The following IDH2 variants were observed in gnomAD, a reference collection of about 807,000 sequenced individuals.
IDH2 encodes isocitrate dehydrogenase [NADP], mitochondrial.
Under a neutral mutation model 50.5 loss-of-function variants are expected in IDH2, and 18 were observed. The observed-to-expected ratio is 0.36, with a 90% confidence interval of 0.25 to 0.53. IDH2 has a LOEUF of 0.53. Among genes scored for constraint, IDH2 ranks in the 20% least tolerant of loss-of-function variants. IDH2 has a pLI of 0.92. For missense variants in IDH2, 518 were observed against 610.7 expected (o/e 0.85, Z 1.60); for synonymous variants, 280 against 239.8 (o/e 1.17, Z -1.55).
chr15:90,084,825 C>A lies in IDH2; in HGVS notation c.1262G>T (p.Gly421Val). 1 of 1,613,650 alleles carries A rather than the reference C, an allele frequency of 6.2e-7. No individual in the cohort carries two copies. Among genetic ancestry groups the A allele is most frequent in the Non-Finnish European group, 8.5e-7 (1 of 1,179,842 alleles). The change falls in exon 10 of 11, where the codon GGC becomes GTC. Residue 421 changes from glycine to valine, a missense_variant. Coordinates refer to ENST00000330062, the MANE Select transcript of IDH2 (RefSeq NM_002168.4). The surrounding 1 kb of genome is among the most constrained non-coding windows in gnomAD (Gnocchi z 5.0). Reference protein sequence around the residue: ...MTKDLAGCIHGLSNVKLNEHF... With the variant: ...MTKDLAGCIHVLSNVKLNEHF... ...ACCCCAGGCCACGCACTTGCTGAGG[C>A]CGTGAATGCAGCCCGCCAGGTCCTT... is the stretch of plus-strand genomic sequence containing the variant.
intron 6 of IDH2, 62 bp downstream of exon 6, chr15:90,087,377 A>G (rs1474693535): frequency 1.4e-5 from 23 of 1,612,748 alleles, no homozygotes; most frequent in Non-Finnish European, 1.8e-5. Context: ...TTCCCAGGGT[A>G]GGATGGGAAC....
rs1304674908 is a variant in IDH2, at chr15:90,084,034, T to C, written c.*232A>G. ...GGCACCATGTGTTCCAAGGGCAATA[T>C]AAATTACAGTATGCAAAACATACTG... On this transcript the variant is annotated 3_prime_UTR_variant, in exon 11 of 11. Transcript: ENST00000330062. This position sits in a 1 kb window ranked among gnomAD's most constrained non-coding sequence, Gnocchi z 5.0. 1.5e-5 allele frequency: 9 copies of C among 582,256 alleles called. No individual in the cohort carries two copies. In the Admixed American group the frequency reaches 2.7e-4, roughly 17 times the overall value. The allele number at this position is 582,256 out of a possible 1,614,324, so 36.1% of individuals were successfully genotyped here.
intron 2 of IDH2, 92 bp from the exon 3 acceptor site, chr15:90,090,736 G>A: frequency 1.5e-6 from 2 of 1,342,942 alleles, no homozygotes; most frequent in Non-Finnish European, 2.1e-6. Context: ...GCCATGGCAG[G>A]GGACAGTCAG....
intron 1 of IDH2, among the ~76,000 whole-genome samples, chr15:90,101,695 G>A (rs1901336455): frequency 6.7e-6 from 1 of 149,376 alleles, no homozygotes; most frequent in African/African-American, 2.4e-5. Flanking sequence ...GGGTGGGGGC[G>A]GCCAAACAAA....
At chr15:90,088,084 A>C (rs999360131) in intron 5 of IDH2, among the ~76,000 whole-genome samples, 2 of 151,760 alleles carry the variant, frequency 1.3e-5, no homozygotes, top group African/African-American at 4.8e-5. Context: ...GCTCGTGGCC[A>C]TTTCTTTTCT....
rs1555462223 is a variant in IDH2 at position 90,098,511 on chromosome 15, T to TATGTATGTATGTATGTATGCATGC, written c.115+3764_115+3765insGCATGCATACATACATACATACAT. On this transcript the variant is annotated intron_variant, in intron 1 of 10. Transcript: ENST00000330062. The surrounding 1 kb of genome is among the most constrained non-coding windows in gnomAD (Gnocchi z 5.1). ...AGCAACTTTGTATATTTTATGTATG[T>TATGTATGTATGTATGTATGCATGC]ATGTATGTATGTATGCATGCATGTA... is the stretch of plus-strand genomic sequence containing the variant. Among the ~76,000 whole-genome samples, 1,468 of 139,824 alleles carry TATGTATGTATGTATGTATGCATGC rather than the reference T, an allele frequency of 0.01. 12 individuals are homozygous for TATGTATGTATGTATGTATGCATGC. The highest frequency in any genetic ancestry group is 0.016 in the Non-Finnish European group (1,009 of 62,824). The allele number at this position is 139,824 out of a possible 152,430, so 91.7% of individuals were successfully genotyped here.
chr15:90,091,244 C>T (rs1200873425), intron 2 of IDH2, among the ~76,000 whole-genome samples: 1 of 152,188 alleles, frequency 6.6e-6, no homozygotes, highest in African/African-American at 2.4e-5. Context: ...AGAAGTGAGG[C>T]AAAACGTAGG....
In IDH2 at chr15:90,084,740, A is replaced by T; in HGVS notation, c.1271+76T>A. Reference sequence around the variant, plus strand: ...CCCCTTGCAGCTAAGCTGACTCATGAGGGGGACTTTAGGAGGGGTCCCCTG... The same window carrying T: ...CCCCTTGCAGCTAAGCTGACTCATGTGGGGGACTTTAGGAGGGGTCCCCTG... On this transcript the variant is annotated intron_variant, in intron 10 of 10. Transcript: ENST00000330062. This position sits in a 1 kb window ranked among gnomAD's most constrained non-coding sequence, Gnocchi z 5.0. 8.5e-7 allele frequency: 1 copy of T among 1,181,004 alleles called. No homozygotes were observed. The highest frequency in any genetic ancestry group is 1.3e-6 in the Non-Finnish European group (1 of 794,040). 73.2% of individuals were successfully genotyped at this position (1,181,004 alleles called of 1,614,324 possible).
intron 1 of IDH2, among the ~76,000 whole-genome samples, chr15:90,101,059 T>C (rs746798333): frequency 2.0e-5 from 3 of 152,086 alleles, no homozygotes; most frequent in Non-Finnish European, 2.9e-5. Flanking sequence ...CTGGGGCACT[T>C]GGAACCTGGG....
chr15:90,093,620 T>TAA (rs1901105836), intron 1 of IDH2, among the ~76,000 whole-genome samples: 3 of 151,980 alleles, frequency 2.0e-5, no homozygotes, highest in African/African-American at 7.2e-5. Flanking sequence ...ATTTATTTAT[T>TAA]TATTTATTTA....
rs942348251 is a variant in IDH2 at position 90,100,662 on chromosome 15, C to T, written c.115+1614G>A. 4.1e-6 allele frequency: 4 copies of T among 985,162 alleles called. No homozygotes were observed. Among genetic ancestry groups the T allele is most frequent in the South Asian group, 4.7e-5 (1 of 21,288 alleles). The allele number at this position is 985,162 out of a possible 1,614,324, so 61.0% of individuals were successfully genotyped here. A position where few individuals can be genotyped will look rare whatever the true frequency, so the allele number is the denominator to read the frequency against. On this transcript the variant is annotated intron_variant, in intron 1 of 10. Coordinates refer to ENST00000330062, the MANE Select transcript of IDH2 (RefSeq NM_002168.4). This position sits in a 1 kb window ranked among gnomAD's most constrained non-coding sequence, Gnocchi z 4.1. ...CAGGAATTACCAGGCAGCAAAGACA[C>T]GGGGCTCTTTTAGCCCCAAAATATT...
chr15:90,084,216 CGCCG>C lies in IDH2; in HGVS notation c.*46_*49del. On this transcript the variant is annotated 3_prime_UTR_variant, in exon 11 of 11. Coordinates refer to ENST00000330062, the MANE Select transcript of IDH2 (RefSeq NM_002168.4). The surrounding 1 kb of genome is among the most constrained non-coding windows in gnomAD (Gnocchi z 5.0). ...ACCCTCTGCCGCGCTCAGGAGGACC[CGCCG>C]GCTCAGCCCTGGCCCCTCCACTGCA... is the stretch of plus-strand genomic sequence containing the variant. The C allele has an allele frequency of 6.5e-7, 1 of 1,537,572 alleles. No homozygotes were observed. Among genetic ancestry groups the C allele is most frequent in the Non-Finnish European group, 9.0e-7 (1 of 1,116,878 alleles).
At chr15:90,088,823 A>G (rs2151550143) in intron 3 of IDH2, 76 bp from the exon 4 acceptor site, 1 of 1,515,520 alleles carries the variant, frequency 6.6e-7, no homozygotes, top group Non-Finnish European at 9.1e-7. Context: ...AAGCAACAAC[A>G]CAGCCAGACG....
chr15:90,084,610 G>C lies in IDH2; in HGVS notation c.1271+206C>G, dbSNP rs1276754870. Among the ~76,000 whole-genome samples, 1 of 152,168 alleles carries C rather than the reference G, an allele frequency of 6.6e-6. No homozygotes were observed. The highest frequency in any genetic ancestry group is 1.5e-5 in the Non-Finnish European group (1 of 68,026). ...AGGGGTGTGGGCAGGGTCGGAAGGA[G>C]CTCTGAGTAGCCAGCCTCAGGGATG... On this transcript the variant is annotated intron_variant, in intron 10 of 10. Coordinates refer to ENST00000330062, the MANE Select transcript of IDH2 (RefSeq NM_002168.4). This position sits in a 1 kb window ranked among gnomAD's most constrained non-coding sequence, Gnocchi z 5.0.
At position 90,084,084 on chromosome 15, in the gene IDH2, T is replaced by A; in HGVS notation, c.*182A>T. 1 of 618,920 alleles carries A rather than the reference T, an allele frequency of 1.6e-6. No homozygotes were observed. The highest frequency in any genetic ancestry group is 2.9e-6 in the Non-Finnish European group (1 of 344,374). 38.3% of individuals were successfully genotyped at this position (618,920 alleles called of 1,614,324 possible). A position where few individuals can be genotyped will look rare whatever the true frequency, so the allele number is the denominator to read the frequency against. ...GACTGGCTGAGGTAAAACGCACTGC[T>A]CCTGCCTCACGTCACCATGAGGGGA... On this transcript the variant is annotated 3_prime_UTR_variant, in exon 11 of 11. Transcript: ENST00000330062. This position sits in a 1 kb window ranked among gnomAD's most constrained non-coding sequence, Gnocchi z 5.0.
At position 90,098,615 on chromosome 15, in the gene IDH2, G is replaced by A. The variant is rs1386778355; in HGVS notation, c.115+3661C>T. 6.6e-6 allele frequency among the ~76,000 whole-genome samples: 1 copy of A among 151,240 alleles called. No homozygotes were observed. The highest frequency in any genetic ancestry group is 6.6e-5 in the Admixed American group (1 of 15,174). The stretch of plus-strand genomic sequence containing the variant: ...ACTGGAGGGCAGTGGCGTGATCTCG[G>A]CTCACTGCAAGCTCCACCTCCTGGG... On this transcript the variant is annotated intron_variant, in intron 1 of 10. Coordinates refer to ENST00000330062, the MANE Select transcript of IDH2 (RefSeq NM_002168.4). This position sits in a 1 kb window ranked among gnomAD's most constrained non-coding sequence, Gnocchi z 5.1.
At chr15:90,087,005 A>C in intron 7 of IDH2, 107 bp downstream of exon 7, 1 of 1,225,498 alleles carries the variant, frequency 8.2e-7, no homozygotes, top group Non-Finnish European at 1.2e-6. Context: ...GGACCCTGCA[A>C]TGAGTCCTGC....
At chr15:90,090,780 G>A in intron 2 of IDH2, 136 bp from the exon 3 acceptor site, 2 of 915,756 alleles carry the variant, frequency 2.2e-6, no homozygotes, top group South Asian at 2.7e-5. Context: ...CAGTGGAGGG[G>A]CGCAGCAGAA....
rs773746533 is a variant in IDH2 at position 90,085,086 on chromosome 15, TG to T, written c.1092del (p.Ser365AlafsTer47). ...HYREHQKGRP[T>X]STNPIASIFA... The stretch of plus-strand genomic sequence containing the variant: ...AAGATGCTGGCGATGGGGTTGGTGC[TG>T]GTGGGCCGGCCCTGGGGACGGGGGT... On this transcript the variant is annotated frameshift_variant, in exon 9 of 11. Transcript: ENST00000330062. LOFTEE classifies it high-confidence loss of function. This position sits in a 1 kb window ranked among gnomAD's most constrained non-coding sequence, Gnocchi z 5.5. 6.2e-7 allele frequency: 1 copy of T among 1,613,770 alleles called. No individual in the cohort carries two copies. The highest frequency in any genetic ancestry group is 1.7e-5 in the Admixed American group (1 of 60,028).
Sources: gnomAD v4.1 joint callset for allele counts (sites outside exome capture counted in the v4.1 genomes callset) on GRCh38, gnomAD v4.1.1 for gene constraint, Gnocchi (gnomAD v3.1) non-coding constraint, MANE v1.5 for transcripts, NCBI Gene and HGNC (gene_info 2026-07-23, HGNC 2026-07-21) for gene names.